The following EEFSEC variants were observed in gnomAD, a reference collection of about 807,000 sequenced individuals.
The protein encoded by EEFSEC is eukaryotic elongation factor, selenocysteine-tRNA specific.
In EEFSEC, 43 loss-of-function variants were observed where a neutral mutation model predicts 42.1. The observed-to-expected ratio is 1.02, with a 90% CI of 0.80 to 1.32. The LOEUF is 1.32. EEFSEC is among the 40% of genes most tolerant of loss of function. The pLI, the probability that EEFSEC is intolerant of heterozygous loss-of-function variation, is 0.00. For missense variants in EEFSEC, 745 were observed against 803.6 expected, an observed-to-expected ratio of 0.93 and a Z score of 0.88; for synonymous variants, 354 against 339.1, an observed-to-expected ratio of 1.04 and a Z score of -0.48.
At chr3:128,344,288 C>A (rs972269711) in intron 5 of EEFSEC, among the ~76,000 whole-genome samples, 1 of 152,238 alleles carries the variant, frequency 6.6e-6, no homozygotes, top group Non-Finnish European at 1.5e-5. Flanking sequence ...TAGCTACATA[C>A]TTTATTTTGA....
chr3:128,249,528 A>G (rs2066162295), intron 2 of EEFSEC, among the ~76,000 whole-genome samples: 1 of 152,070 alleles, frequency 6.6e-6, no homozygotes. Flanking sequence ...CCCACTATAT[A>G]TACCCCAAAC....
At chr3:128,340,902 G>A (rs982541490) in intron 4 of EEFSEC, among the ~76,000 whole-genome samples, 2 of 152,186 alleles carry the variant, frequency 1.3e-5, no homozygotes, top group Non-Finnish European at 2.9e-5. Flanking sequence ...GAACTTGGAG[G>A]GACTGGAGCC....
intron 4 of EEFSEC, among the ~76,000 whole-genome samples, chr3:128,271,628 G>C (rs1418403031): frequency 6.6e-6 from 1 of 152,166 alleles, no homozygotes; most frequent in African/African-American, 2.4e-5. Context: ...TAGGCCCTTT[G>C]AGCAGATCAG....
chr3:128,318,183 G>C (rs1021719805), intron 4 of EEFSEC, among the ~76,000 whole-genome samples: 2 of 152,260 alleles, frequency 1.3e-5, no homozygotes, highest in Non-Finnish European at 2.9e-5. Flanking sequence ...TCCCGTGATG[G>C]ACTGCTGTGA....
intron 1 of EEFSEC, among the ~76,000 whole-genome samples, chr3:128,199,076 C>T (rs1382510469): frequency 1.3e-5 from 2 of 152,226 alleles, no homozygotes; most frequent in African/African-American, 4.8e-5. Flanking sequence ...AGGTGATCCG[C>T]CTGCCTCGGT....
intron 4 of EEFSEC, among the ~76,000 whole-genome samples, chr3:128,309,254 C>G (rs1163620538): frequency 6.6e-6 from 1 of 152,124 alleles, no homozygotes; most frequent in African/African-American, 2.4e-5. Flanking sequence ...GAACAGCTGT[C>G]AGCACCTGGT....
intron 4 of EEFSEC, among the ~76,000 whole-genome samples, chr3:128,295,747 A>T (rs1025243869): frequency 6.6e-6 from 1 of 151,406 alleles, no homozygotes; most frequent in Non-Finnish European, 1.5e-5. Context: ...GGAGGCAGAC[A>T]CCCCAGCATG....
chr3:128,401,310 G>T (rs2068045625), intron 6 of EEFSEC, among the ~76,000 whole-genome samples: 1 of 152,228 alleles, frequency 6.6e-6, no homozygotes, highest in Admixed American at 6.5e-5. Flanking sequence ...CCTGCTGTGA[G>T]TGCTTGTGAG....
intron 1 of EEFSEC, among the ~76,000 whole-genome samples, chr3:128,181,825 GT>G (rs1366704734): frequency 6.6e-6 from 1 of 152,154 alleles, no homozygotes; most frequent in Non-Finnish European, 1.5e-5. Flanking sequence ...TTGTTTGTTT[GT>G]TTTTTGATAC....
At chr3:128,171,933 TTTA>T (rs775305606) in intron 1 of EEFSEC, among the ~76,000 whole-genome samples, 1 of 152,214 alleles carries the variant, frequency 6.6e-6, no homozygotes, top group Non-Finnish European at 1.5e-5. Context: ...ACATAGCATT[TTTA>T]TTTTATTAGT....
chr3:128,153,566 A>G lies in EEFSEC; in HGVS notation c.59A>G (p.Lys20Arg), dbSNP rs1293465378. 1.9e-6 allele frequency: 3 copies of G among 1,539,742 alleles called. No homozygotes were observed. Among genetic ancestry groups the G allele is most frequent in the Non-Finnish European group, 2.6e-6 (3 of 1,149,976 alleles). The stretch of plus-strand genomic sequence containing the variant: ...GTGCTGGGCCACATCGACAGCGGCA[A>G]GACGGCGCTGGCGCGGGCGCTAAGC... ...VGVLGHIDSG[K>R]TALARALSTT... Residue 20 changes from lysine to arginine, a missense_variant, in exon 1 of 7, where the codon AAG becomes AGG. Transcript: ENST00000254730.
intron 6 of EEFSEC, among the ~76,000 whole-genome samples, chr3:128,390,058 G>A (rs764097211): frequency 1.1e-4 from 16 of 152,228 alleles, no homozygotes; most frequent in East Asian, 3.8e-4. Context: ...AATAGAAGGC[G>A]CTGGCCCTAA....
At chr3:128,269,738 G>A (rs1273306229) in intron 4 of EEFSEC, among the ~76,000 whole-genome samples, 1 of 152,184 alleles carries the variant, frequency 6.6e-6, no homozygotes, top group Non-Finnish European at 1.5e-5. Flanking sequence ...GGGAGTGAAG[G>A]AGAAAAAAAT....
At chr3:128,194,156 T>G (rs1204168869) in intron 1 of EEFSEC, among the ~76,000 whole-genome samples, 1 of 152,228 alleles carries the variant, frequency 6.6e-6, no homozygotes, top group African/African-American at 2.4e-5. Flanking sequence ...TGAAATCTTT[T>G]CAGCTCATAA....
intron 1 of EEFSEC, among the ~76,000 whole-genome samples, chr3:128,171,096 C>T (rs1034567475): frequency 6.6e-6 from 1 of 152,162 alleles, no homozygotes; most frequent in African/African-American, 2.4e-5. Context: ...ATCTCCATGC[C>T]GACTCCGAAC....
chr3:128,420,557 G>T, the EEFSEC span, among the ~76,000 whole-genome samples: 5 of 152,316 alleles, frequency 3.3e-5, no homozygotes, highest in East Asian at 9.7e-4. Flanking sequence ...ACTGAGAGAG[G>T]CCAGGCCCAT....
At chr3:128,340,566 A>C (rs1275358835) in intron 4 of EEFSEC, among the ~76,000 whole-genome samples, 1 of 152,066 alleles carries the variant, frequency 6.6e-6, no homozygotes, top group Non-Finnish European at 1.5e-5. Flanking sequence ...CACAATAGGC[A>C]CTCTGGGAAT....
At chr3:128,276,248 C>T (rs949685987) in intron 4 of EEFSEC, among the ~76,000 whole-genome samples, 3 of 152,190 alleles carry the variant, frequency 2.0e-5, no homozygotes, top group Non-Finnish European at 2.9e-5. Flanking sequence ...GGGGTTAGGG[C>T]GGGTTGCTTG....
intron 5 of EEFSEC, among the ~76,000 whole-genome samples, chr3:128,352,208 T>C (rs1001290831): frequency 6.6e-6 from 1 of 152,186 alleles, no homozygotes; most frequent in Non-Finnish European, 1.5e-5. Context: ...TCATGACCCC[T>C]GGTCTTCCTG....
Sources: allele counts gnomAD v4.1 joint callset (sites outside exome capture counted in the v4.1 genomes callset), GRCh38; gene constraint gnomAD v4.1.1; transcripts MANE v1.5; gene names NCBI Gene and HGNC (gene_info 2026-07-23, HGNC 2026-07-21).